COL4A4: variants seen among roughly 807,000 people sequenced by gnomAD.
COL4A4 encodes collagen alpha-4(IV) chain.
In COL4A4, 105 loss-of-function variants were observed where a neutral mutation model predicts 192.9. That is an observed-to-expected ratio of 0.54 (90% CI 0.46 to 0.64). COL4A4 has a LOEUF of 0.64. Among genes scored for constraint, COL4A4 ranks in the 30% least tolerant of loss-of-function variants. The pLI, the probability that COL4A4 is intolerant of heterozygous loss-of-function variation, is 0.00. For synonymous variants in COL4A4, 762 were observed against 769.9 expected, an observed-to-expected ratio of 0.99 and a Z score of 0.17; for missense variants, 1,967 against 2,169.3, an observed-to-expected ratio of 0.91 and a Z score of 1.85.
chr2:227,072,936 A>G (rs1302712535), intron 25 of COL4A4, among the ~76,000 whole-genome samples: 1 of 152,128 alleles, frequency 6.6e-6, no homozygotes, highest in Non-Finnish European at 1.5e-5. Flanking sequence ...CACAGATAAC[A>G]TCATATGGAA....
Position 227,091,646 on chromosome 2 carries a change from C to A in COL4A4, c.1370-1689G>T, listed in dbSNP as rs1236746584. On this transcript the variant is annotated intron_variant, in intron 20 of 47. Coordinates refer to ENST00000396625, the MANE Select transcript of COL4A4 (RefSeq NM_000092.5). ...CGGTGGCTCACATCTACAATCCCAG[C>A]ACTTTGGGAGGCCAAAGGGGGCAGA... is the stretch of plus-strand genomic sequence containing the variant. Among the ~76,000 whole-genome samples the A allele has an allele frequency of 3.3e-5, 5 of 152,198 alleles. No individual in the cohort carries two copies. The East Asian group carries it at 9.7e-4, about 29-fold the overall frequency.
intron 22 of COL4A4, among the ~76,000 whole-genome samples, chr2:227,085,753 T>C (rs2059569791): frequency 6.6e-6 from 1 of 152,152 alleles, no homozygotes; most frequent in Non-Finnish European, 1.5e-5. Context: ...AAGCCATTCG[T>C]GAGGGATCCA....
intron 42 of COL4A4, 63 bp downstream of exon 42, chr2:227,027,839 T>C (rs983702275): frequency 4.1e-5 from 48 of 1,165,298 alleles, no homozygotes; most frequent in Non-Finnish European, 5.7e-5. Context: ...TTAACTACTT[T>C]CTGAACGATG....
intron 29 of COL4A4, among the ~76,000 whole-genome samples, chr2:227,056,419 A>G (rs1337365413): frequency 6.6e-6 from 1 of 152,214 alleles, no homozygotes; most frequent in Non-Finnish European, 1.5e-5. Context: ...TGGTGGAGGG[A>G]AACTAATAGA....
intron 34 of COL4A4, among the ~76,000 whole-genome samples, chr2:227,048,610 G>A (rs1315925790): frequency 6.6e-6 from 1 of 152,180 alleles, no homozygotes; most frequent in African/African-American, 2.4e-5. Context: ...TAAGGGCTAG[G>A]GTTCCTTTAG....
downstream of COL4A4, among the ~76,000 whole-genome samples, chr2:227,001,735 G>A (rs370855504): frequency 5.6e-4 from 85 of 152,308 alleles, 1 homozygote; most frequent in Middle Eastern, 6.8e-3. Context: ...ACAGCTGTAG[G>A]GTTGAGAGGA....
At chr2:227,113,700 A>G (rs991542052) in intron 8 of COL4A4, among the ~76,000 whole-genome samples, 1 of 152,192 alleles carries the variant, frequency 6.6e-6, no homozygotes, top group African/African-American at 2.4e-5. Context: ...TTAAGCTATA[A>G]ACAAATCCAT....
intron 35 of COL4A4, among the ~76,000 whole-genome samples, chr2:227,045,783 C>CATATAT (rs769553506): frequency 1.8e-5 from 1 of 56,902 alleles, no homozygotes; most frequent in African/African-American, 1.1e-4. Context: ...AAAAAAAATA[C>CATATAT]ATATATATAT....
chr2:227,105,763 C>A (rs1361646586), intron 12 of COL4A4, among the ~76,000 whole-genome samples: 1 of 152,142 alleles, frequency 6.6e-6, no homozygotes, highest in African/African-American at 2.4e-5. Context: ...ACATAGGTCA[C>A]CCATGTTTGC....
chr2:227,145,175 C>T (rs556309866), intron 2 of COL4A4, among the ~76,000 whole-genome samples: 30 of 152,246 alleles, frequency 2.0e-4, no homozygotes, highest in Middle Eastern at 3.4e-3. Flanking sequence ...AGGCCAAGTG[C>T]GGTGGCTCAG....
intron 25 of COL4A4, 44 bp downstream of exon 25, chr2:227,077,850 G>C: frequency 6.6e-7 from 1 of 1,525,860 alleles, no homozygotes. Context: ...ATAAACACTT[G>C]TACCCCAAAG....
In COL4A4 at chr2:227,094,045, A is replaced by T. The variant is rs7587373; in HGVS notation, c.1369+80T>A. The stretch of plus-strand genomic sequence containing the variant: ...CATCATATAACTTTTAAAATATTTT[A>T]AAAACTATGCTTTCTTAGTGGCACT... On this transcript the variant is annotated intron_variant, in intron 20 of 47. Coordinates refer to ENST00000396625, the MANE Select transcript of COL4A4 (RefSeq NM_000092.5). 7,692 of 1,346,184 alleles carry T rather than the reference A, an allele frequency of 5.7e-3. 362 individuals carry two copies. In the African/African-American group the frequency reaches 0.1, roughly 17 times the overall value. The allele number at this position is 1,346,184 out of a possible 1,614,324, so 83.4% of individuals were successfully genotyped here.
In COL4A4 at chr2:227,005,098, G is replaced by T. The variant is rs920083499; in HGVS notation, c.*2227C>A. 2.0e-5 allele frequency: 3 copies of T among 152,148 alleles called. No individual in the cohort carries two copies. Among genetic ancestry groups the T allele is most frequent in the Admixed American group, 1.3e-4 (2 of 15,286 alleles). 9.4% of individuals were successfully genotyped at this position (152,148 alleles called of 1,614,324 possible). A position where few individuals can be genotyped will look rare whatever the true frequency, so the allele number is the denominator to read the frequency against. On this transcript the variant is annotated 3_prime_UTR_variant, in exon 48 of 48. Transcript: ENST00000396625. ...AAAATTAGAGGGCAGTGTTAATGCT[G>T]CATTTAGAGACAGCTCTTGTAATAC...
At chr2:227,096,336 G>T (rs1168249768) in intron 19 of COL4A4, among the ~76,000 whole-genome samples, 1 of 152,162 alleles carries the variant, frequency 6.6e-6, no homozygotes, top group Non-Finnish European at 1.5e-5. Context: ...AAGAGTGAGA[G>T]GTACTGTACT....
chr2:227,026,676 A>G lies in COL4A4; in HGVS notation c.4082-866T>C, dbSNP rs368828445. ...TTGATTTAGGATCTTGAAAGATATT[A>G]CTTCTGCCCATCTCAAATACACATG... On this transcript the variant is annotated intron_variant, in intron 42 of 47. Coordinates refer to ENST00000396625, the MANE Select transcript of COL4A4 (RefSeq NM_000092.5). Among the ~76,000 whole-genome samples, 6 of 152,276 alleles carry G rather than the reference A, an allele frequency of 3.9e-5. No homozygotes were observed. The East Asian group carries it at 1.2e-3, about 29-fold the overall frequency.
At chr2:227,063,773 TA>T (rs1012765131) in intron 25 of COL4A4, among the ~76,000 whole-genome samples, 29 of 151,868 alleles carry the variant, frequency 1.9e-4, no homozygotes, top group African/African-American at 7.0e-4. Flanking sequence ...AATTAAAATA[TA>T]TAGTATTATC....
chr2:227,050,469 A>C (rs1973834691), intron 33 of COL4A4, among the ~76,000 whole-genome samples: 1 of 152,230 alleles, frequency 6.6e-6, no homozygotes, highest in Non-Finnish European at 1.5e-5. Flanking sequence ...CATATGAAAG[A>C]CTTTACAAAT....
chr2:227,111,474 G>A (rs2061204737), intron 9 of COL4A4, among the ~76,000 whole-genome samples: 1 of 152,138 alleles, frequency 6.6e-6, no homozygotes, highest in Non-Finnish European at 1.5e-5. Context: ...GCATGAGACT[G>A]GTGCAGTTAC....
At chr2:227,078,103 T>A in intron 24 of COL4A4, 26 bp from the exon 25 acceptor site, 2 of 1,611,708 alleles carry the variant, frequency 1.2e-6, no homozygotes, top group Non-Finnish European at 1.7e-6. Context: ...CATGAGTCAA[T>A]TACCAACCAC....
Sources: allele counts gnomAD v4.1 joint callset (sites outside exome capture counted in the v4.1 genomes callset), GRCh38; gene constraint gnomAD v4.1.1; transcripts MANE v1.5; gene names NCBI Gene and HGNC (gene_info 2026-07-23, HGNC 2026-07-21).